Variants in NPAS3 observed in about 807,000 individuals in gnomAD.
The protein encoded by NPAS3 is neuronal PAS domain protein 3.
A neutral mutation model predicts 73.1 loss-of-function variants in NPAS3; 14 were observed. The ratio of observed to expected loss-of-function variants is 0.19; its 90% confidence interval spans 0.13 to 0.30. The LOEUF (loss-of-function observed/expected upper bound fraction) is 0.30, where lower values mean the gene tolerates loss of function less well. Ranked by LOEUF, NPAS3 falls within the 10% of genes least tolerant of loss-of-function variation. The pLI is 1.00. For synonymous variants in NPAS3, 620 were observed against 541.5 expected (o/e 1.14, Z -2.01); for missense variants, 1,096 against 1,250.0 (o/e 0.88, Z 1.86).
At chr14:33,656,885 A>G (rs2059159203) in intron 5 of NPAS3, among the ~76,000 whole-genome samples, 1 of 152,164 alleles carries the variant, frequency 6.6e-6, no homozygotes, top group South Asian at 2.1e-4. Context: ...CCATTATCCA[A>G]AGAAAATGAA....
At chr14:33,544,806 ATATATG>A (rs1244555296) in intron 4 of NPAS3, among the ~76,000 whole-genome samples, 9 of 80,688 alleles carry the variant, frequency 1.1e-4, no homozygotes, top group African/African-American at 5.7e-4. Context: ...ATATATATAT[ATATATG>A]TATATATAAT....
At chr14:33,730,975 G>A (rs2061383785) in intron 6 of NPAS3, among the ~76,000 whole-genome samples, 1 of 152,154 alleles carries the variant, frequency 6.6e-6, no homozygotes, top group African/African-American at 2.4e-5. Context: ...ACAACCTATG[G>A]CAACTCCACT....
chr14:33,794,903 T>C (rs1212269875), intron 10 of NPAS3, among the ~76,000 whole-genome samples: 1 of 152,178 alleles, frequency 6.6e-6, no homozygotes, highest in East Asian at 1.9e-4. Context: ...CCCATCATTC[T>C]GGTCTTTGGC....
chr14:33,012,860 T>A (rs2039261133), intron 1 of NPAS3, among the ~76,000 whole-genome samples: 1 of 152,200 alleles, frequency 6.6e-6, no homozygotes, highest in Non-Finnish European at 1.5e-5. Flanking sequence ...CAAAGTCGTA[T>A]CTTTTGATTA....
chr14:33,273,677 A>T (rs188754240), intron 3 of NPAS3, among the ~76,000 whole-genome samples: 64 of 152,308 alleles, frequency 4.2e-4, no homozygotes, highest in Non-Finnish European at 5.9e-5. Flanking sequence ...TAGGGCTTGT[A>T]TGTAGAATAA....
chr14:33,787,360 AAC>A (rs980225658), intron 9 of NPAS3, among the ~76,000 whole-genome samples: 3 of 152,214 alleles, frequency 2.0e-5, no homozygotes, highest in African/African-American at 7.2e-5. Context: ...ATTCAATATT[AAC>A]AGTCAATAAA....
chr14:33,296,287 T>C (rs541626935), intron 3 of NPAS3, among the ~76,000 whole-genome samples: 33 of 152,330 alleles, frequency 2.2e-4, no homozygotes, highest in African/African-American at 7.7e-4. Context: ...TTAATAGATA[T>C]ATATTTATAT....
At chr14:33,012,949 G>A (rs1426140513) in intron 1 of NPAS3, among the ~76,000 whole-genome samples, 1 of 152,160 alleles carries the variant, frequency 6.6e-6, no homozygotes, top group East Asian at 1.9e-4. Context: ...CATGAGTAGT[G>A]GAATCTGAGC....
chr14:33,759,477 G>A (rs897597027), intron 7 of NPAS3, among the ~76,000 whole-genome samples: 5 of 152,144 alleles, frequency 3.3e-5, no homozygotes, highest in African/African-American at 7.2e-5. Context: ...TTGCCCCATC[G>A]CAGAGCATTC....
intron 3 of NPAS3, among the ~76,000 whole-genome samples, chr14:33,365,838 C>G (rs1341289046): frequency 6.6e-6 from 1 of 152,198 alleles, no homozygotes; most frequent in African/African-American, 2.4e-5. Context: ...GGAGCCCACT[C>G]ACCAACTTAG....
chr14:33,079,353 C>G (rs1595393936), intron 2 of NPAS3, among the ~76,000 whole-genome samples: 2 of 122,698 alleles, frequency 1.6e-5, no homozygotes, highest in South Asian at 2.9e-4. Context: ...GAGTCTTGCT[C>G]TGTCGCCCAG....
intron 6 of NPAS3, among the ~76,000 whole-genome samples, chr14:33,719,406 T>C (rs2061044317): frequency 6.6e-6 from 1 of 152,196 alleles, no homozygotes; most frequent in Non-Finnish European, 1.5e-5. Flanking sequence ...CATGAAAGCT[T>C]ACATTTACTT....
Position 33,190,118 on chromosome 14 carries a change from T to C in NPAS3, c.141-25064T>C, listed in dbSNP as rs75609994. On this transcript the variant is annotated intron_variant, in intron 2 of 11. Coordinates refer to ENST00000356141, the Ensembl canonical transcript of NPAS3. ...AATACTTATTTCAGTATTATTGTAA[T>C]ATTAAAAGTTTAAAAACAGCTGAAA... 2.3e-3 allele frequency among the ~76,000 whole-genome samples: 350 copies of C among 152,314 alleles called. 1 individual carries two copies. The highest frequency in any genetic ancestry group is 3.9e-3 in the Non-Finnish European group (268 of 68,022).
chr14:33,774,572 C>T (rs752621598), intron 8 of NPAS3, 42 bp downstream of exon 8: 49 of 1,508,456 alleles, frequency 3.2e-5, no homozygotes, highest in Middle Eastern at 3.8e-4. Context: ...GCACGTTGCA[C>T]ATTGGTGAGG....
intron 7 of NPAS3, among the ~76,000 whole-genome samples, chr14:33,752,958 TACTG>T (rs2062007478): frequency 6.6e-6 from 1 of 152,190 alleles, no homozygotes; most frequent in Non-Finnish European, 1.5e-5. Context: ...TCTTTTAACT[TACTG>T]ACTTTTAAAA....
intron 4 of NPAS3, among the ~76,000 whole-genome samples, chr14:33,429,641 T>A (rs2048700679): frequency 6.6e-6 from 1 of 152,058 alleles, no homozygotes; most frequent in African/African-American, 2.4e-5. Context: ...GTATACTGAT[T>A]TTAGGGTAAG....
intron 3 of NPAS3, among the ~76,000 whole-genome samples, chr14:33,347,615 T>A (rs1227300302): frequency 6.6e-6 from 1 of 152,166 alleles, no homozygotes; most frequent in Non-Finnish European, 1.5e-5. Flanking sequence ...GTACAGCCCT[T>A]CCTTGGTATC....
rs991591831 is a variant in NPAS3 at position 33,215,317 on chromosome 14, C to T, written c.276C>T (p.Ser92=). The change falls in exon 3 of 12, where the codon TCC becomes TCT. Residue 92 remains serine (S), a synonymous_variant. Coordinates refer to ENST00000356141, the Ensembl canonical transcript of NPAS3. ...TTACCAGCCAGCTCGACAAGGCATC[C>T]ATCATTCGACTTACAATTAGCTATC... 4 of 1,569,550 alleles carry T rather than the reference C, an allele frequency of 2.5e-6. No individual in the cohort carries two copies. In the African/African-American group the frequency reaches 4.1e-5, roughly 16 times the overall value.
intron 6 of NPAS3, among the ~76,000 whole-genome samples, chr14:33,727,964 T>C (rs1419311246): frequency 2.0e-5 from 3 of 152,184 alleles, no homozygotes; most frequent in Admixed American, 1.3e-4. Flanking sequence ...CCATGTACTC[T>C]CAAAGGCGAT....
Sources: gnomAD v4.1 joint callset for allele counts (sites outside exome capture counted in the v4.1 genomes callset) on GRCh38, gnomAD v4.1.1 for gene constraint, MANE v1.5 for transcripts, NCBI Gene and HGNC (gene_info 2026-07-23, HGNC 2026-07-21) for gene names.